The following PRKN variants were observed in gnomAD, a reference collection of about 807,000 sequenced individuals.
PRKN encodes parkin RBR E3 ubiquitin protein ligase, also known as E3 ubiquitin-protein ligase parkin.
A neutral mutation model predicts 59.5 loss-of-function variants in PRKN; 56 were observed. The ratio of observed to expected loss-of-function variants is 0.94; its 90% confidence interval spans 0.76 to 1.18. PRKN has a LOEUF of 1.18. Ranked by LOEUF, PRKN falls within the 50% of genes most tolerant of loss-of-function variation. PRKN has a pLI of 0.00. For synonymous variants in PRKN, 250 were observed against 222.1 expected (o/e 1.13, Z -1.12); for missense variants, 657 against 596.4 (o/e 1.10, Z -1.06).
At chr6:162,046,064 T>C (rs1036425781) in intron 5 of PRKN, among the ~76,000 whole-genome samples, 12 of 152,248 alleles carry the variant, frequency 7.9e-5, no homozygotes, top group African/African-American at 2.7e-4. Flanking sequence ...TAGATCGATA[T>C]GTACTCTCTC....
At chr6:161,687,388 CAAAAAAAAA>C (rs1192587302) in intron 7 of PRKN, among the ~76,000 whole-genome samples, 2 of 51,556 alleles carry the variant, frequency 3.9e-5, no homozygotes, top group African/African-American at 8.9e-5. Flanking sequence ...GACTCCATCT[CAAAAAAAAA>C]AAAAAAAAAA....
intron 1 of PRKN, among the ~76,000 whole-genome samples, chr6:162,469,492 A>ATGTGTGTGTG (rs376285594): frequency 1.3e-4 from 19 of 146,850 alleles, no homozygotes; most frequent in African/African-American, 4.4e-4. Flanking sequence ...AAACTGTGGT[A>ATGTGTGTGTG]TGTGTGTGTG....
chr6:161,716,507 C>T lies in PRKN; in HGVS notation c.871+69265G>A, dbSNP rs148835493. On this transcript the variant is annotated intron_variant, in intron 7 of 11. Coordinates refer to ENST00000366898, the MANE Select transcript of PRKN (RefSeq NM_004562.3). ...TCTCAGCCCTGTTAACCTCTTTCTC[C>T]CAAACAAACAAATAAACCTAAACGC... is the stretch of plus-strand genomic sequence containing the variant. Among the ~76,000 whole-genome samples, 1,159 of 152,230 alleles carry T rather than the reference C, an allele frequency of 7.6e-3. 20 individuals are homozygous for T. The highest frequency in any genetic ancestry group is 0.027 in the African/African-American group (1,128 of 41,524).
At chr6:161,612,621 C>T (rs991316849) in intron 7 of PRKN, among the ~76,000 whole-genome samples, 14 of 147,322 alleles carry the variant, frequency 9.5e-5, no homozygotes, top group African/African-American at 2.3e-4. Context: ...CTCAGGAGGC[C>T]GAGGCAGGAG....
At chr6:162,448,624 T>C (rs1790435167) in intron 1 of PRKN, among the ~76,000 whole-genome samples, 1 of 152,108 alleles carries the variant, frequency 6.6e-6, no homozygotes, top group South Asian at 2.1e-4. Context: ...TTTTGTAGCT[T>C]CCTCTTCTGG....
At chr6:162,220,276 A>C (rs1310646051) in intron 3 of PRKN, among the ~76,000 whole-genome samples, 1 of 152,172 alleles carries the variant, frequency 6.6e-6, no homozygotes, top group Non-Finnish European at 1.5e-5. Flanking sequence ...TTGGTAAAGA[A>C]TGTATGCTTA....
At chr6:162,063,999 C>T (rs1297037606) in intron 4 of PRKN, among the ~76,000 whole-genome samples, 2 of 152,104 alleles carry the variant, frequency 1.3e-5, no homozygotes, top group African/African-American at 4.8e-5. Context: ...TCATGTTAAC[C>T]CAAACCTGGA....
At chr6:162,635,976 A>T (rs760484279) in intron 1 of PRKN, among the ~76,000 whole-genome samples, 6 of 152,184 alleles carry the variant, frequency 3.9e-5, no homozygotes, top group Non-Finnish European at 7.3e-5. Flanking sequence ...AAGGCTTCCA[A>T]ATGAAAATAA....
intron 6 of PRKN, among the ~76,000 whole-genome samples, chr6:161,899,305 A>G (rs756014159): frequency 1.3e-5 from 2 of 152,248 alleles, no homozygotes; most frequent in African/African-American, 2.4e-5. Context: ...AATGTTATAC[A>G]AATCAATTTT....
chr6:162,456,920 T>TTCAGTTCGAA (rs1227132994), intron 1 of PRKN, among the ~76,000 whole-genome samples: 40 of 152,308 alleles, frequency 2.6e-4, no homozygotes, highest in African/African-American at 9.1e-4. Context: ...ACTTCAGTAC[T>TTCAGTTCGAA]ATGCTTGGGG....
intron 5 of PRKN, among the ~76,000 whole-genome samples, chr6:162,035,342 C>T (rs1783799172): frequency 6.6e-6 from 1 of 152,128 alleles, no homozygotes; most frequent in African/African-American, 2.4e-5. Flanking sequence ...GATTAAATTT[C>T]AACAAAAGAC....
rs1033741412 is a variant in PRKN at position 161,795,195 on chromosome 6, T to C, written c.735-9287A>G. Among the ~76,000 whole-genome samples, 3 of 151,394 alleles carry C rather than the reference T, an allele frequency of 2.0e-5. No homozygotes were observed. The South Asian group carries it at 6.3e-4, about 32-fold the overall frequency. ...CACCGTGCCTGGCCTAACTTAGTATTATTACATGTTATTTGTATTACTGTT... is the reference window on the plus strand; with the variant it reads ...CACCGTGCCTGGCCTAACTTAGTATCATTACATGTTATTTGTATTACTGTT... On this transcript the variant is annotated intron_variant, in intron 6 of 11. Coordinates refer to ENST00000366898, the MANE Select transcript of PRKN (RefSeq NM_004562.3).
At chr6:161,567,029 T>TC (rs1554277325) in intron 8 of PRKN, among the ~76,000 whole-genome samples, 2 of 116,790 alleles carry the variant, frequency 1.7e-5, no homozygotes, top group Non-Finnish European at 3.6e-5. Context: ...CTTGTTTTTT[T>TC]TTTTTTTTTG....
At chr6:162,098,797 G>C (rs1779850503) in intron 4 of PRKN, among the ~76,000 whole-genome samples, 1 of 152,186 alleles carries the variant, frequency 6.6e-6, no homozygotes, top group South Asian at 2.1e-4. Context: ...TCATTCCTCA[G>C]TACGTTGGCT....
chr6:162,580,385 G>A (rs1780743065), intron 1 of PRKN, among the ~76,000 whole-genome samples: 1 of 151,622 alleles, frequency 6.6e-6, no homozygotes, highest in Admixed American at 6.6e-5. Flanking sequence ...ATTTCTTTGA[G>A]GAGTGATTGC....
rs906248486 is a variant in PRKN, at chr6:161,534,896, T to C, written c.1083+13958A>G. Among the ~76,000 whole-genome samples, 3 of 152,366 alleles carry C rather than the reference T, an allele frequency of 2.0e-5. No individual in the cohort carries two copies. In the South Asian group the frequency reaches 6.2e-4, roughly 32 times the overall value. The stretch of plus-strand genomic sequence containing the variant: ...TAGTTGCTAAAAACAGCGTGATTTC[T>C]AGTGATTGCGGTAGAAGAATAAAAG... On this transcript the variant is annotated intron_variant, in intron 9 of 11. Transcript: ENST00000366898.
chr6:161,881,196 T>C (rs1234788207), intron 6 of PRKN, among the ~76,000 whole-genome samples: 1 of 152,142 alleles, frequency 6.6e-6, no homozygotes, highest in East Asian at 1.9e-4. Flanking sequence ...GAGGGACACA[T>C]GTCATCCTAA....
intron 6 of PRKN, among the ~76,000 whole-genome samples, chr6:161,866,650 A>G (rs1294991496): frequency 6.6e-6 from 1 of 152,184 alleles, no homozygotes; most frequent in Non-Finnish European, 1.5e-5. Context: ...TGCTGGAGAA[A>G]TGGCACTGAT....
chr6:162,007,882 G>A (rs1782322229), intron 5 of PRKN, among the ~76,000 whole-genome samples: 1 of 152,124 alleles, frequency 6.6e-6, no homozygotes, highest in South Asian at 2.1e-4. Context: ...ACAACCAGGT[G>A]CTCTATTTAC....
Sources: allele counts gnomAD v4.1 joint callset (sites outside exome capture counted in the v4.1 genomes callset), GRCh38; gene constraint gnomAD v4.1.1; transcripts MANE v1.5; gene names NCBI Gene and HGNC (gene_info 2026-07-23, HGNC 2026-07-21).